The following SCFD2 variants were observed in gnomAD, a reference collection of about 807,000 sequenced individuals.
SCFD2 encodes sec1 family domain containing 2.
In SCFD2, 54 loss-of-function variants were observed where a neutral mutation model predicts 58.9. The observed-to-expected ratio is 0.92, with a 90% CI of 0.74 to 1.15. SCFD2 has a LOEUF of 1.15. SCFD2 is among the 50% of genes most tolerant of loss of function. The pLI is 0.00. For missense variants in SCFD2, 805 were observed against 836.6 expected (o/e 0.96, Z 0.47); for synonymous variants, 321 against 335.9 (o/e 0.96, Z 0.49).
chr4:52,970,074 A>G (rs1721058974), intron 5 of SCFD2, among the ~76,000 whole-genome samples: 1 of 152,216 alleles, frequency 6.6e-6, no homozygotes, highest in African/African-American at 2.4e-5. Context: ...ACTCCAGTCT[A>G]CAGCTCCCAG....
intron 3 of SCFD2, among the ~76,000 whole-genome samples, chr4:53,281,054 G>A (rs748754184): frequency 3.3e-5 from 5 of 152,164 alleles, no homozygotes; most frequent in Non-Finnish European, 7.3e-5. Flanking sequence ...GCGGCCGTGC[G>A]CCCTGTTTTG....
intron 4 of SCFD2, among the ~76,000 whole-genome samples, chr4:53,249,573 C>T (rs1241090106): frequency 6.6e-6 from 1 of 152,152 alleles, no homozygotes; most frequent in Non-Finnish European, 1.5e-5. Flanking sequence ...AGGTTACCCA[C>T]AAAGGGAAGC....
rs574458277 is a variant in SCFD2 at position 53,160,449 on chromosome 4, T to G, written c.1312-14867A>C. Among the ~76,000 whole-genome samples, 4 of 152,268 alleles carry G rather than the reference T, an allele frequency of 2.6e-5. No individual in the cohort carries two copies. In the East Asian group the frequency reaches 7.7e-4, roughly 29 times the overall value. On this transcript the variant is annotated intron_variant, in intron 4 of 8. Transcript: ENST00000401642. Reference sequence around the variant, plus strand: ...GCAGAGATTTTGAAGTTAAAGGCAGTGGTTTGTTGCTAGACTGAATACGGA... The same window carrying G: ...GCAGAGATTTTGAAGTTAAAGGCAGGGGTTTGTTGCTAGACTGAATACGGA...
At chr4:53,089,117 G>A (rs1724399151) in intron 5 of SCFD2, among the ~76,000 whole-genome samples, 1 of 152,124 alleles carries the variant, frequency 6.6e-6, no homozygotes, top group African/African-American at 2.4e-5. Flanking sequence ...CCAGTCTCCA[G>A]AACTGTGAGA....
At chr4:53,243,435 A>C (rs1729963260) in intron 4 of SCFD2, among the ~76,000 whole-genome samples, 1 of 152,210 alleles carries the variant, frequency 6.6e-6, no homozygotes, top group Non-Finnish European at 1.5e-5. Flanking sequence ...ATGCTGAAAG[A>C]ATTAATAATT....
At chr4:52,898,864 T>C (rs187388751) in intron 7 of SCFD2, among the ~76,000 whole-genome samples, 2 of 152,236 alleles carry the variant, frequency 1.3e-5, no homozygotes, top group Non-Finnish European at 2.9e-5. Flanking sequence ...ATATTTAGGA[T>C]AGTTAGCACT....
chr4:53,211,792 A>G (rs1437734746), intron 4 of SCFD2, among the ~76,000 whole-genome samples: 1 of 152,128 alleles, frequency 6.6e-6, no homozygotes, highest in Non-Finnish European at 1.5e-5. Flanking sequence ...TACAGTCAGT[A>G]GTTTTAAATT....
rs1236371039 is a variant in SCFD2, at chr4:53,255,994, C to T, written c.1311+17832G>A. Among the ~76,000 whole-genome samples, 45 of 148,140 alleles carry T rather than the reference C, an allele frequency of 3.0e-4. No individual in the cohort carries two copies. In the East Asian group the frequency reaches 5.4e-3, roughly 18 times the overall value. On this transcript the variant is annotated intron_variant, in intron 4 of 8. Coordinates refer to ENST00000401642, the MANE Select transcript of SCFD2 (RefSeq NM_152540.4). ...CTGACCCCCCCACCTCCCTCCCAGA[C>T]GGGGCGGCTGGCCGGGCGGGGGTCT... is the stretch of plus-strand genomic sequence containing the variant.
chr4:53,341,456 G>A (rs536408343), intron 2 of SCFD2, among the ~76,000 whole-genome samples: 4 of 152,332 alleles, frequency 2.6e-5, no homozygotes, highest in African/African-American at 4.8e-5. Context: ...ATGGGACTAT[G>A]TGAAAAGACC....
At chr4:53,164,564 C>A (rs372055652) in intron 4 of SCFD2, among the ~76,000 whole-genome samples, 42 of 151,994 alleles carry the variant, frequency 2.8e-4, no homozygotes, top group Non-Finnish European at 5.3e-4. Context: ...GAGGCCAAGG[C>A]GGGCAGATAA....
intron 4 of SCFD2, among the ~76,000 whole-genome samples, chr4:53,218,919 C>T (rs1292303570): frequency 6.6e-6 from 1 of 152,180 alleles, no homozygotes; most frequent in East Asian, 1.9e-4. Flanking sequence ...ACCCTGTTTG[C>T]CTGGGTATCA....
intron 3 of SCFD2, among the ~76,000 whole-genome samples, chr4:53,296,918 G>A (rs1217023902): frequency 6.6e-6 from 1 of 152,178 alleles, no homozygotes; most frequent in African/African-American, 2.4e-5. Flanking sequence ...TCAGGAGGAG[G>A]TTGTTCAGTT....
At chr4:53,095,041 T>G (rs1268829091) in intron 5 of SCFD2, among the ~76,000 whole-genome samples, 2 of 152,190 alleles carry the variant, frequency 1.3e-5, no homozygotes, top group African/African-American at 4.8e-5. Context: ...ATTCATTGGT[T>G]GCTGCTTCTC....
chr4:53,354,648 A>C (rs1377621879), intron 1 of SCFD2, among the ~76,000 whole-genome samples: 1 of 152,232 alleles, frequency 6.6e-6, no homozygotes, highest in Non-Finnish European at 1.5e-5. Flanking sequence ...CAGTGCCTAC[A>C]TATAGTAGGC....
At chr4:52,991,453 C>T (rs907972732) in intron 5 of SCFD2, among the ~76,000 whole-genome samples, 14 of 152,132 alleles carry the variant, frequency 9.2e-5, no homozygotes, top group African/African-American at 3.4e-4. Context: ...GGGAGAACCC[C>T]TACTACCAAC....
intron 4 of SCFD2, among the ~76,000 whole-genome samples, chr4:53,233,709 C>A (rs1180334518): frequency 6.6e-6 from 1 of 152,082 alleles, no homozygotes; most frequent in Admixed American, 6.6e-5. Flanking sequence ...GTGTTATTTT[C>A]TTTTTTCTAT....
At chr4:52,993,042 T>C (rs1037730552) in intron 5 of SCFD2, among the ~76,000 whole-genome samples, 2 of 151,972 alleles carry the variant, frequency 1.3e-5, no homozygotes, top group Non-Finnish European at 2.9e-5. Flanking sequence ...CATTTTGTTC[T>C]GTACTAAGAA....
At chr4:53,297,687 T>C (rs1577943091) in intron 3 of SCFD2, among the ~76,000 whole-genome samples, 1 of 152,190 alleles carries the variant, frequency 6.6e-6, no homozygotes, top group South Asian at 2.1e-4. Context: ...GTGAAATTGA[T>C]CCTGCCATTA....
intron 3 of SCFD2, among the ~76,000 whole-genome samples, chr4:53,299,207 G>C (rs930262283): frequency 6.6e-5 from 10 of 152,186 alleles, no homozygotes; most frequent in Non-Finnish European, 1.3e-4. Context: ...AAAAAAGTTA[G>C]ATGAATGGAT....
Sources: allele counts gnomAD v4.1 joint callset (sites outside exome capture counted in the v4.1 genomes callset), GRCh38; gene constraint gnomAD v4.1.1; transcripts MANE v1.5; gene names NCBI Gene and HGNC (gene_info 2026-07-23, HGNC 2026-07-21).